ICAM3: variants seen among roughly 807,000 people sequenced by gnomAD.
ICAM3 encodes the protein ICAM-3.
ICAM3 carries 54 observed loss-of-function variants against 43.6 expected under a neutral mutation model. The observed-to-expected ratio is 1.24, with a 90% CI of 0.99 to 1.55. The LOEUF (loss-of-function observed/expected upper bound fraction) is 1.55. Among genes scored for constraint, ICAM3 ranks in the 40% most tolerant of loss-of-function variants. The pLI is 0.00. For missense variants in ICAM3, 715 were observed against 717.9 expected (o/e 1.00, Z 0.05); for synonymous variants, 306 against 312.6 (o/e 0.98, Z 0.22).
At chr19:10,335,418 C>A (rs2040585578) in intron 3 of ICAM3, 65 bp from the exon 4 acceptor site, 2 of 1,418,188 alleles carry the variant, frequency 1.4e-6, no homozygotes, top group African/African-American at 1.4e-5. Flanking sequence ...ACCCTCATCC[C>A]CCCCAGTCAG....
intron 3 of ICAM3, 115 bp downstream of exon 3, chr19:10,335,556 T>C: frequency 8.1e-7 from 1 of 1,234,780 alleles, no homozygotes; most frequent in Non-Finnish European, 1.1e-6. Flanking sequence ...GCCGGGGGCT[T>C]TCCTTCCCAG....
Position 10,334,921 on chromosome 19 carries a change from G to A in ICAM3, c.938-139C>T, listed in dbSNP as rs986321110. 6.9e-7 allele frequency: 1 copy of A among 1,445,006 alleles called. No homozygotes were observed. 89.5% of individuals were successfully genotyped at this position (1,445,006 alleles called of 1,614,324 possible). On this transcript the variant is annotated intron_variant, in intron 4 of 6. Transcript: ENST00000160262. The surrounding 1 kb of genome is among the most constrained non-coding windows in gnomAD (Gnocchi z 5.5). ...TCAAGCCTCGCCCTCTTTCCGCGCT[G>A]TGTCCAGCTTCGGGCACTCAGGCCC... is the stretch of plus-strand genomic sequence containing the variant.
Position 10,334,670 on chromosome 19 carries a change from C to T in ICAM3, c.1050G>A (p.Pro350=), listed in dbSNP as rs1359148315. The T allele has an allele frequency of 6.2e-7, 1 of 1,613,254 alleles. No homozygotes were observed. The highest frequency in any genetic ancestry group is 8.5e-7 in the Non-Finnish European group (1 of 1,180,020). The change falls in exon 5 of 7, where the codon CCG becomes CCA. Residue 350 remains proline, a synonymous_variant. Transcript: ENST00000160262. The surrounding 1 kb of genome is among the most constrained non-coding windows in gnomAD (Gnocchi z 5.5). ...ARVQVTLDGV[P]AAAPGQPAQL... is the part of the protein sequence containing the mutation. The stretch of plus-strand genomic sequence containing the variant: ...GAGCTGGCTGCCCCGGGGCCGCGGC[C>T]GGAACTCCGTCCAGCGTGACCTGGA...
Position 10,334,768 on chromosome 19 carries a change from T to G in ICAM3, c.952A>C (p.Ile318Leu). Residue 318 changes from isoleucine to leucine, a missense_variant, in exon 5 of 7, where the codon ATT (isoleucine) becomes CTT (leucine). Coordinates refer to ENST00000160262, the MANE Select transcript of ICAM3 (RefSeq NM_002162.5). The surrounding 1 kb of genome is among the most constrained non-coding windows in gnomAD (Gnocchi z 5.5). ...GCGGTGGGCTCGCTGAGGTTCACAA[T>G]GGGTCCTAGGAAGCCTAAAGGCGGG... Reference protein sequence around the residue: ...NLTVFSFLGPIVNLSEPTAHE... With the variant: ...NLTVFSFLGPLVNLSEPTAHE... 2.5e-6 allele frequency: 4 copies of G among 1,603,882 alleles called. No individual in the cohort carries two copies. Among genetic ancestry groups the G allele is most frequent in the Non-Finnish European group, 3.4e-6 (4 of 1,173,914 alleles).
In ICAM3 at chr19:10,333,888, G is replaced by A. The variant is rs2040548738; in HGVS notation, c.1613C>T (p.Ala538Val). The stretch of plus-strand genomic sequence containing the variant: ...AGCTCTGGACGGTTCTTCCCCCATT[G>A]CTTCTGTCGGCTGCATAGACGTGAG... ...LPLTSMQPTE[A>V]MGEEPSRAE Residue 538 changes from alanine to valine, a missense_variant, in exon 7 of 7, where the codon GCA (alanine) becomes GTA (valine). Ala to Val is a moderately conservative substitution (Grantham distance 64). Coordinates refer to ENST00000160262, the MANE Select transcript of ICAM3 (RefSeq NM_002162.5). The surrounding 1 kb of genome is among the most constrained non-coding windows in gnomAD (Gnocchi z 4.2). The A allele has an allele frequency of 6.2e-7, 1 of 1,614,034 alleles. No individual in the cohort carries two copies. The highest frequency in any genetic ancestry group is 1.3e-5 in the African/African-American group (1 of 74,910).
Position 10,335,832 on chromosome 19 carries a change from C to G in ICAM3, c.488G>C (p.Arg163Pro). ...VLLRWEEELS[R>P]QPAVEEPAEV... ...CGCTGGCTCCTCCACTGCGGGCTGC[C>G]GGCTCAGCTCCTCCTCCCAGCGAAG... is the stretch of plus-strand genomic sequence containing the variant. The change falls in exon 3 of 7, where the codon CGG becomes CCG. Residue 163 changes from arginine (R) to proline (P), a missense_variant. Physicochemically the swap from Arg to Pro is moderately radical, Grantham distance 103. Transcript: ENST00000160262. The G allele has an allele frequency of 6.2e-7, 1 of 1,612,064 alleles. No individual in the cohort carries two copies. Among genetic ancestry groups the G allele is most frequent in the Non-Finnish European group, 8.5e-7 (1 of 1,179,838 alleles).
rs370897794 is a variant in ICAM3, at chr19:10,338,689, G to A, written c.336C>T (p.Thr112=). 64 of 1,614,040 alleles carry A rather than the reference G, an allele frequency of 4.0e-5. No homozygotes were observed. The African/African-American group carries it at 6.1e-4, about 15-fold the overall frequency. ...GSQITGSSNI[T]VYRLPERVEL... ...CCGGACACGTCGACTCACTGTACAC[G>A]GTGATGTTAGAGGAGCCTGTTATCT... The change falls in exon 2 of 7, where the codon ACC becomes ACT. Residue 112 remains threonine, a synonymous_variant. Transcript: ENST00000160262.
Position 10,334,106 on chromosome 19 carries a change from A to ACCCCCCCCCCC in ICAM3, c.1442-48_1442-47insGGGGGGGGGGG. ...TCAATATGCGTCCCTTCTGTCTCCA[A>ACCCCCCCCCCC]CCCCCCCGCCCCCCGGCTTACCGGT... On this transcript the variant is annotated intron_variant, in intron 6 of 6. Transcript: ENST00000160262. The surrounding 1 kb of genome is among the most constrained non-coding windows in gnomAD (Gnocchi z 5.5). The ACCCCCCCCCCC allele has an allele frequency of 2.5e-6, 4 of 1,579,030 alleles. No individual in the cohort carries two copies. Among genetic ancestry groups the ACCCCCCCCCCC allele is most frequent in the Non-Finnish European group, 3.5e-6 (4 of 1,151,526 alleles).
chr19:10,335,659 C>T lies in ICAM3; in HGVS notation c.649+12G>A, dbSNP rs1421837980. On this transcript the variant is annotated intron_variant, in intron 3 of 6. Transcript: ENST00000160262. ...CAGCTCGTCACCCACCGTCTGAAGC[C>T]CCTTCTCTCACCAAAGGTTCGGAGC... The T allele has an allele frequency of 2.5e-6, 4 of 1,591,256 alleles. No individual in the cohort carries two copies. Among genetic ancestry groups the T allele is most frequent in the African/African-American group, 1.3e-5 (1 of 74,590 alleles).
rs374246978 is a variant in ICAM3, at chr19:10,334,519, C to T, written c.1192+9G>A. 5.0e-6 allele frequency: 8 copies of T among 1,603,304 alleles called. No homozygotes were observed. The African/African-American group carries it at 1.1e-4, about 21-fold the overall frequency. On this transcript the variant is annotated intron_variant, in intron 5 of 6. Coordinates refer to ENST00000160262, the MANE Select transcript of ICAM3 (RefSeq NM_002162.5). This position sits in a 1 kb window ranked among gnomAD's most constrained non-coding sequence, Gnocchi z 5.5. ...GTGGAGGGATTAAAGGTCAGGGTGA[C>T]CGACTCACACAGGACTCGCAGCTGG...
Position 10,338,664 on chromosome 19 carries a change from C to G in ICAM3, c.343+18G>C, listed in dbSNP as rs778166704. 1.2e-6 allele frequency: 2 copies of G among 1,612,456 alleles called. No homozygotes were observed. The highest frequency in any genetic ancestry group is 1.1e-5 in the South Asian group (1 of 91,022). ...CCACTACCCAAGACCAGTCCCACCTCCGGACACGTCGACTCACTGTACACG... is the reference window on the plus strand; with the variant it reads ...CCACTACCCAAGACCAGTCCCACCTGCGGACACGTCGACTCACTGTACACG... On this transcript the variant is annotated intron_variant, in intron 2 of 6. Transcript: ENST00000160262.
Position 10,338,824 on chromosome 19 carries a change from C to T in ICAM3, c.201G>A (p.Thr67=), listed in dbSNP as rs376983106. 1.6e-4 allele frequency: 263 copies of T among 1,614,040 alleles called. No homozygotes were observed. The highest frequency in any genetic ancestry group is 2.0e-4 in the Non-Finnish European group (237 of 1,180,028). ...TGGCCACCAGCTCCTTTGATAGGGACGTCTCCAAGGCGATTTTCTCAGAGC... is the reference window on the plus strand; with the variant it reads ...TGGCCACCAGCTCCTTTGATAGGGATGTCTCCAAGGCGATTTTCTCAGAGC... ...CPSSEKIALE[T]SLSKELVASG... is the part of the protein sequence containing the mutation. The change falls in exon 2 of 7, where the codon ACG becomes ACA. Residue 67 remains threonine (T), a synonymous_variant. Coordinates refer to ENST00000160262, the MANE Select transcript of ICAM3 (RefSeq NM_002162.5).
At chr19:10,336,107 G>A (rs549768313) in intron 2 of ICAM3, 131 bp from the exon 3 acceptor site, 2 of 787,108 alleles carry the variant, frequency 2.5e-6, no homozygotes, top group African/African-American at 1.7e-5. Flanking sequence ...AGAGGGCTTA[G>A]AGCTGGGCCA....
At chr19:10,337,423 A>C (rs2040610613) in intron 2 of ICAM3, among the ~76,000 whole-genome samples, 1 of 148,356 alleles carries the variant, frequency 6.7e-6, no homozygotes, top group Non-Finnish European at 1.5e-5. Flanking sequence ...TCTCAAAAAA[A>C]AAAAAAAAGA....
chr19:10,333,988 C>T lies in ICAM3; in HGVS notation c.1513G>A (p.Ala505Thr), dbSNP rs1221489639. 1.2e-6 allele frequency: 2 copies of T among 1,614,150 alleles called. No individual in the cohort carries two copies. Among genetic ancestry groups the T allele is most frequent in the Non-Finnish European group, 1.7e-6 (2 of 1,180,042 alleles). ...TGCTCCCTGAAGACGTACATTAAGG[C>T]CAGTACGATAGTCACCACGCCCAGG... ...LTLGVVTIVL[A>T]LMYVFREHQR... Residue 505 changes from alanine (A) to threonine (T), a missense_variant, in exon 7 of 7, where the codon GCC becomes ACC. By Grantham distance (58) the Ala-to-Thr change is moderately conservative (BLOSUM62 0). Transcript: ENST00000160262. The surrounding 1 kb of genome is among the most constrained non-coding windows in gnomAD (Gnocchi z 4.2).
At chr19:10,335,463 GAC>G in intron 3 of ICAM3, 110 bp from the exon 4 acceptor site, 64 of 1,174,658 alleles carry the variant, frequency 5.4e-5, no homozygotes, top group South Asian at 7.7e-5. Flanking sequence ...TTCTTCACAG[GAC>G]ACACACACAG....
rs1284377831 is a variant in ICAM3, at chr19:10,333,792, CT to C, written c.*64del. Reference sequence around the variant, plus strand: ...AACCACAGATTAGGGAGTTTGAAGGCTTTATTGGTGCGGAATCTGAGGGCAC... The same window carrying C: ...AACCACAGATTAGGGAGTTTGAAGGCTTATTGGTGCGGAATCTGAGGGCAC... On this transcript the variant is annotated 3_prime_UTR_variant, in exon 7 of 7. Coordinates refer to ENST00000160262, the MANE Select transcript of ICAM3 (RefSeq NM_002162.5). This position sits in a 1 kb window ranked among gnomAD's most constrained non-coding sequence, Gnocchi z 4.2. 3.2e-6 allele frequency: 5 copies of C among 1,547,990 alleles called. No homozygotes were observed. Among genetic ancestry groups the C allele is most frequent in the South Asian group, 1.1e-5 (1 of 88,384 alleles).
intron 1 of ICAM3, 24 bp downstream of exon 1, chr19:10,339,515 C>T: frequency 1.2e-6 from 2 of 1,610,126 alleles, no homozygotes; most frequent in Non-Finnish European, 1.7e-6. Flanking sequence ...CCTCTCCAGC[C>T]CTCCCCGGCT....
chr19:10,336,637 C>T (rs976536765), intron 2 of ICAM3, among the ~76,000 whole-genome samples: 1 of 151,920 alleles, frequency 6.6e-6, no homozygotes, highest in Admixed American at 6.6e-5. Context: ...GAAACCCCAT[C>T]TCTACTAAAA....
Sources: gnomAD v4.1 joint callset for allele counts (sites outside exome capture counted in the v4.1 genomes callset) on GRCh38, gnomAD v4.1.1 for gene constraint, Gnocchi (gnomAD v3.1) non-coding constraint, MANE v1.5 for transcripts, NCBI Gene and HGNC (gene_info 2026-07-23, HGNC 2026-07-21) for gene names.